PLXNA2: variants seen among roughly 807,000 people sequenced by gnomAD.
PLXNA2 encodes the protein plexin-A2.
A neutral mutation model predicts 193.5 loss-of-function variants in PLXNA2; 91 were observed. That is an observed-to-expected ratio of 0.47 (90% CI 0.40 to 0.56). The LOEUF (loss-of-function observed/expected upper bound fraction) is 0.56. PLXNA2 is among the 20% of genes least tolerant of loss of function. The pLI is 0.00. For missense variants in PLXNA2, 1,995 were observed against 2,503.2 expected, an observed-to-expected ratio of 0.80 and a Z score of 4.33; for synonymous variants, 997 against 1,027.3, an observed-to-expected ratio of 0.97 and a Z score of 0.56.
intron 12 of PLXNA2, among the ~76,000 whole-genome samples, chr1:208,072,855 T>C (rs1666017733): frequency 6.6e-6 from 1 of 152,174 alleles, no homozygotes; most frequent in Non-Finnish European, 1.5e-5. Flanking sequence ...TCCCAATTTA[T>C]CTGGCATCTC....
At chr1:208,104,145 T>C (rs1029953722) in intron 4 of PLXNA2, among the ~76,000 whole-genome samples, 2 of 152,184 alleles carry the variant, frequency 1.3e-5, no homozygotes, top group African/African-American at 4.8e-5. Flanking sequence ...TGGGTTCTTA[T>C]TTGTTAGGGC....
At chr1:208,171,806 T>C (rs1669502899) in intron 3 of PLXNA2, among the ~76,000 whole-genome samples, 1 of 152,026 alleles carries the variant, frequency 6.6e-6, no homozygotes, top group South Asian at 2.1e-4. Context: ...CAGTGAGCCA[T>C]GATTGCATCA....
intron 4 of PLXNA2, among the ~76,000 whole-genome samples, chr1:208,128,634 G>GTTTCCTT (rs1296631827): frequency 2.2e-4 from 32 of 146,972 alleles, no homozygotes; most frequent in African/African-American, 7.8e-4. Context: ...ATTTTCCTTT[G>GTTTCCTT]TTTCCTTTTT....
At chr1:208,071,400 G>A (rs191955889) in intron 12 of PLXNA2, among the ~76,000 whole-genome samples, 2 of 152,318 alleles carry the variant, frequency 1.3e-5, no homozygotes, top group Non-Finnish European at 2.9e-5. Flanking sequence ...TGACTTTACA[G>A]GGCAGTGATG....
intron 4 of PLXNA2, among the ~76,000 whole-genome samples, chr1:208,136,857 G>C (rs1668315964): frequency 6.6e-6 from 1 of 152,198 alleles, no homozygotes; most frequent in African/African-American, 2.4e-5. Context: ...GAAGTTCTAA[G>C]ACTACTACTA....
intron 11 of PLXNA2, among the ~76,000 whole-genome samples, chr1:208,080,209 A>T (rs1260270845): frequency 2.6e-5 from 4 of 151,962 alleles, no homozygotes; most frequent in East Asian, 1.9e-4. Flanking sequence ...ATTGCTGATT[A>T]AAAAAAAGGG....
chr1:208,168,619 G>A (rs1669384673), intron 3 of PLXNA2, among the ~76,000 whole-genome samples: 1 of 151,732 alleles, frequency 6.6e-6, no homozygotes. Flanking sequence ...ATAAACTCAG[G>A]TGTCTGCCTC....
At chr1:208,138,355 C>T (rs902659518) in intron 4 of PLXNA2, among the ~76,000 whole-genome samples, 3 of 152,166 alleles carry the variant, frequency 2.0e-5, no homozygotes, top group African/African-American at 7.2e-5. Flanking sequence ...GTGTTCTGAG[C>T]ATGTTTAAGG....
Position 208,240,184 on chromosome 1 carries a change from G to A in PLXNA2, c.-81+3459C>T, listed in dbSNP as rs532056222. Among the ~76,000 whole-genome samples the A allele has an allele frequency of 1.4e-4, 22 of 152,226 alleles. No individual in the cohort carries two copies. The South Asian group carries it at 1.5e-3, about 10-fold the overall frequency. On this transcript the variant is annotated intron_variant, in intron 1 of 31. Coordinates refer to ENST00000367033, the MANE Select transcript of PLXNA2 (RefSeq NM_025179.4). ...CTGCTCCCCAACAAAGAACTTTCTC[G>A]CCTCTATTTATGCCCTCCAATTCCA...
intron 1 of PLXNA2, among the ~76,000 whole-genome samples, chr1:208,228,229 G>A (rs948932800): frequency 6.6e-5 from 10 of 152,084 alleles, no homozygotes; most frequent in Admixed American, 6.5e-4. Context: ...CCACTGAAGT[G>A]CTCTAGGGAC....
chr1:208,125,355 C>G (rs1180453791), intron 4 of PLXNA2, among the ~76,000 whole-genome samples: 1 of 152,228 alleles, frequency 6.6e-6, no homozygotes, highest in African/African-American at 2.4e-5. Context: ...CTGTCATCCA[C>G]TGCTCAGCAT....
intron 13 of PLXNA2, 34 bp from the exon 14 acceptor site, chr1:208,054,572 G>T: frequency 6.8e-7 from 1 of 1,468,602 alleles, no homozygotes; most frequent in Non-Finnish European, 9.5e-7. Context: ...GTGAGGGACT[G>T]GGCAAGGGCT....
intron 3 of PLXNA2, among the ~76,000 whole-genome samples, chr1:208,192,545 G>A (rs1670215291): frequency 6.6e-6 from 1 of 152,118 alleles, no homozygotes; most frequent in Non-Finnish European, 1.5e-5. Flanking sequence ...AAGAAGGGTG[G>A]AGTTGGGAGT....
chr1:208,155,446 AG>A (rs1317456706), intron 3 of PLXNA2, among the ~76,000 whole-genome samples: 1 of 152,130 alleles, frequency 6.6e-6, no homozygotes, highest in Admixed American at 6.5e-5. Context: ...AAAGTACTAA[AG>A]CATCCCTCAT....
chr1:208,159,340 G>A (rs572021073), intron 3 of PLXNA2, among the ~76,000 whole-genome samples: 36 of 152,292 alleles, frequency 2.4e-4, no homozygotes, highest in African/African-American at 8.7e-4. Context: ...ATCATCCTGT[G>A]GGGGGAAGTA....
At chr1:208,234,971 G>C (rs1558259381) in intron 1 of PLXNA2, among the ~76,000 whole-genome samples, 3 of 152,206 alleles carry the variant, frequency 2.0e-5, no homozygotes, top group Admixed American at 1.3e-4. Context: ...CTGTGCAGGA[G>C]AGATGCAAGC....
chr1:208,045,940 A>C lies in PLXNA2; in HGVS notation c.3433T>G (p.Phe1145Val). The C allele has an allele frequency of 6.2e-7, 1 of 1,614,246 alleles. No homozygotes were observed. The highest frequency in any genetic ancestry group is 8.5e-7 in the Non-Finnish European group (1 of 1,180,028). ...ACTCCAGTAGGGCTAAGCAGTTCAA[A>C]GGTCGGGTTGGGGTAGTAGATAAAC... ...TKFIYYPNPT[F>V]ELLSPTGVLD... The change falls in exon 18 of 32, where the codon TTT becomes GTT. Residue 1145 changes from phenylalanine to valine, a missense_variant. By Grantham distance (50) the Phe-to-Val change is conservative. Around this residue, in one of 3 missense-constraint regions of PLXNA2, gnomAD observed 1,291 missense variants for 1,673.6 expected, o/e 0.77. Coordinates refer to ENST00000367033, the MANE Select transcript of PLXNA2 (RefSeq NM_025179.4).
chr1:208,049,442 C>A (rs1665182828), intron 17 of PLXNA2, among the ~76,000 whole-genome samples: 1 of 151,708 alleles, frequency 6.6e-6, no homozygotes, highest in African/African-American at 2.4e-5. Context: ...GGGGCCTAGG[C>A]TCTTTTACCC....
chr1:208,149,895 G>T (rs1668706553), intron 3 of PLXNA2, among the ~76,000 whole-genome samples: 3 of 152,098 alleles, frequency 2.0e-5, no homozygotes, highest in Non-Finnish European at 4.4e-5. Context: ...CAACAGCAGC[G>T]GTGGCAGTCC....
Sources: allele counts gnomAD v4.1 joint callset (sites outside exome capture counted in the v4.1 genomes callset), GRCh38; gene constraint gnomAD v4.1.1; regional missense constraint gnomAD v4.1.1; transcripts MANE v1.5; gene names NCBI Gene and HGNC (gene_info 2026-07-23, HGNC 2026-07-21).